The following FGF12 variants were observed in gnomAD, a reference collection of about 807,000 sequenced individuals.
FGF12 encodes the protein fibroblast growth factor 12.
A neutral mutation model predicts 23.6 loss-of-function variants in FGF12; 14 were observed. The ratio of observed to expected loss-of-function variants is 0.59; its 90% CI spans 0.39 to 0.93. The LOEUF (loss-of-function observed/expected upper bound fraction) is 0.93, where lower values mean the gene tolerates loss of function less well. Ranked by LOEUF, FGF12 falls within the 40% of genes least tolerant of loss-of-function variation. The pLI, the probability that FGF12 is intolerant of heterozygous loss-of-function variation, is 0.00. For synonymous variants in FGF12, 62 were observed against 77.3 expected (o/e 0.80, Z 1.04); for missense variants, 175 against 217.8 (o/e 0.80, Z 1.24).
rs116855581 is a variant in FGF12 at position 192,165,745 on chromosome 3, G to A, written c.427+4713C>T. ...AATTGCATCATAGTATAAGGTTTCTGCTTTGCTATCACTGACTTTTCTGAG... is the reference window on the plus strand; with the variant it reads ...AATTGCATCATAGTATAAGGTTTCTACTTTGCTATCACTGACTTTTCTGAG... On this transcript the variant is annotated intron_variant, in intron 5 of 5. Coordinates refer to ENST00000445105, the MANE Select transcript of FGF12 (RefSeq NM_004113.6). Among the ~76,000 whole-genome samples the A allele has an allele frequency of 2.6e-5, 4 of 152,262 alleles. No homozygotes were observed. In the East Asian group the frequency reaches 7.7e-4, roughly 29 times the overall value.
chr3:192,523,260 A>G (rs1035334439), intron 2 of FGF12, among the ~76,000 whole-genome samples: 4 of 152,210 alleles, frequency 2.6e-5, no homozygotes, highest in Admixed American at 1.3e-4. Context: ...GCCTAACAGT[A>G]GAATGTTGGT....
At chr3:192,311,190 C>T (rs75060987) in intron 4 of FGF12, among the ~76,000 whole-genome samples, 5,703 of 152,168 alleles carry the variant, frequency 0.037, 344 homozygotes, top group African/African-American at 0.13. Context: ...AAGTGTACAA[C>T]TAAATGGTAT....
intron 2 of FGF12, among the ~76,000 whole-genome samples, chr3:192,504,428 A>G (rs534906202): frequency 6.6e-6 from 1 of 152,338 alleles, no homozygotes; most frequent in East Asian, 1.9e-4. Flanking sequence ...CACTTTCCAC[A>G]GTTACTTCCT....
At chr3:192,321,532 C>A (rs79916685) in intron 4 of FGF12, among the ~76,000 whole-genome samples, 5,452 of 149,202 alleles carry the variant, frequency 0.037, 199 homozygotes, top group South Asian at 0.17. Context: ...AAACTATAGG[C>A]TAGTGTCTCT....
chr3:192,303,956 A>T lies in FGF12; in HGVS notation c.228+31405T>A, dbSNP rs115063254. On this transcript the variant is annotated intron_variant, in intron 4 of 5. Transcript: ENST00000445105. ...AATATAGCTAATAGCTTCAGCTCCC[A>T]TCTGGGTAATCTCCAGTAAGCCATT... 3.5e-3 allele frequency among the ~76,000 whole-genome samples: 528 copies of T among 152,318 alleles called. 2 individuals carry two copies. The highest frequency in any genetic ancestry group is 0.012 in the African/African-American group (504 of 41,566).
intron 4 of FGF12, among the ~76,000 whole-genome samples, chr3:192,318,991 A>G (rs1419423259): frequency 6.6e-6 from 1 of 150,974 alleles, no homozygotes; most frequent in Non-Finnish European, 1.5e-5. Flanking sequence ...AAAACAAAAC[A>G]AAACTTGTAT....
At chr3:192,239,752 A>G (rs1295725845) in intron 4 of FGF12, among the ~76,000 whole-genome samples, 2 of 152,220 alleles carry the variant, frequency 1.3e-5, no homozygotes, top group Non-Finnish European at 2.9e-5. Flanking sequence ...TCATCTGGAA[A>G]CCATCTCCAA....
chr3:192,250,583 C>G (rs988003606), intron 4 of FGF12, among the ~76,000 whole-genome samples: 4 of 152,100 alleles, frequency 2.6e-5, no homozygotes, highest in African/African-American at 9.7e-5. Context: ...CTCTCCCTAT[C>G]TACCTAATTG....
chr3:192,533,217 C>T (rs922754337), intron 2 of FGF12, among the ~76,000 whole-genome samples: 1 of 152,174 alleles, frequency 6.6e-6, no homozygotes, highest in African/African-American at 2.4e-5. Context: ...CAAGAACTGG[C>T]ACAATCTTCA....
intron 2 of FGF12, among the ~76,000 whole-genome samples, chr3:192,399,841 G>T (rs1720681008): frequency 6.6e-6 from 1 of 152,150 alleles, no homozygotes; most frequent in Non-Finnish European, 1.5e-5. Context: ...AACCAAGTTT[G>T]GTCTTAGGCC....
chr3:192,363,280 T>C (rs1365977220), intron 2 of FGF12, among the ~76,000 whole-genome samples: 1 of 151,914 alleles, frequency 6.6e-6, no homozygotes, highest in African/African-American at 2.4e-5. Flanking sequence ...GGTAATGAGA[T>C]GCATGCCAGT....
At chr3:192,529,600 T>C (rs1454506705) in intron 2 of FGF12, among the ~76,000 whole-genome samples, 2 of 152,172 alleles carry the variant, frequency 1.3e-5, no homozygotes, top group African/African-American at 2.4e-5. Context: ...TCCATTTTTA[T>C]GCTGCTGATA....
At chr3:192,417,137 C>T (rs1290636738) in intron 2 of FGF12, among the ~76,000 whole-genome samples, 1 of 151,962 alleles carries the variant, frequency 6.6e-6, no homozygotes, top group East Asian at 1.9e-4. Context: ...GAAATTGTCT[C>T]CTGGTTGGTT....
intron 3 of FGF12, among the ~76,000 whole-genome samples, chr3:192,352,533 A>G (rs1577380087): frequency 6.6e-6 from 1 of 152,344 alleles, no homozygotes; most frequent in East Asian, 1.9e-4. Flanking sequence ...CAGTGTAAAC[A>G]CCTTCAAATT....
intron 2 of FGF12, among the ~76,000 whole-genome samples, chr3:192,658,486 A>T (rs1716530137): frequency 6.6e-6 from 1 of 152,212 alleles, no homozygotes. Context: ...CTGCACGAAG[A>T]TCCTCATGGA....
chr3:192,608,062 T>G (rs187593905), intron 2 of FGF12, among the ~76,000 whole-genome samples: 1 of 152,104 alleles, frequency 6.6e-6, no homozygotes, highest in Non-Finnish European at 1.5e-5. Flanking sequence ...AAACTTCGCA[T>G]GCTCTCGCTT....
rs79244095 is a variant in FGF12 at position 192,657,696 on chromosome 3, C to T, written c.13+69485G>A. On this transcript the variant is annotated intron_variant, in intron 2 of 5. Transcript: ENST00000445105. ...CATTTTAATCATAATTTTTAAAATC[C>T]TACATTTGGCTATAGTATAATGGGA... Among the ~76,000 whole-genome samples, 1,270 of 152,186 alleles carry T rather than the reference C, an allele frequency of 8.3e-3. 22 individuals carry two copies. Among genetic ancestry groups the T allele is most frequent in the African/African-American group, 0.029 (1,215 of 41,532 alleles).
chr3:192,613,952 C>G (rs1451442333), intron 2 of FGF12, among the ~76,000 whole-genome samples: 1 of 151,774 alleles, frequency 6.6e-6, no homozygotes, highest in Admixed American at 6.6e-5. Flanking sequence ...AATGATCAAC[C>G]TTGGAATGAT....
intron 2 of FGF12, among the ~76,000 whole-genome samples, chr3:192,701,289 A>G (rs150639593): frequency 6.6e-6 from 1 of 152,274 alleles, no homozygotes; most frequent in African/African-American, 2.4e-5. Flanking sequence ...ACCAACATAC[A>G]TCTTACAGGT....
Sources: gnomAD v4.1 joint callset for allele counts (sites outside exome capture counted in the v4.1 genomes callset) on GRCh38, gnomAD v4.1.1 for gene constraint, MANE v1.5 for transcripts, NCBI Gene and HGNC (gene_info 2026-07-23, HGNC 2026-07-21) for gene names.